PDZRN4: variants seen among roughly 807,000 people sequenced by gnomAD.
PDZRN4 encodes the protein PDZ domain-containing RING finger protein 4.
In PDZRN4, 70 loss-of-function variants were observed where a neutral mutation model predicts 99.0. The observed-to-expected ratio is 0.71, with a 90% CI of 0.58 to 0.86. The LOEUF is 0.86. Among genes scored for constraint, PDZRN4 ranks in the 40% least tolerant of loss-of-function variants. The pLI, the probability that PDZRN4 is intolerant of heterozygous loss-of-function variation, is 0.00. For synonymous variants in PDZRN4, 551 were observed against 501.6 expected, an observed-to-expected ratio of 1.10 and a Z score of -1.32; for missense variants, 1,474 against 1,331.2, an observed-to-expected ratio of 1.11 and a Z score of -1.67.
chr12:41,354,268 G>T (rs1326386168), intron 3 of PDZRN4, among the ~76,000 whole-genome samples: 3 of 151,956 alleles, frequency 2.0e-5, no homozygotes, highest in East Asian at 3.9e-4. Flanking sequence ...GTAGAGTATT[G>T]GTCCTCTCCA....
At chr12:41,369,783 A>G (rs996677454) in intron 3 of PDZRN4, among the ~76,000 whole-genome samples, 1 of 151,968 alleles carries the variant, frequency 6.6e-6, no homozygotes, top group Non-Finnish European at 1.5e-5. Flanking sequence ...AAAAGGAATT[A>G]TTGTCTGAAC....
chr12:41,371,649 T>C (rs1268158740), intron 3 of PDZRN4, among the ~76,000 whole-genome samples: 1 of 152,126 alleles, frequency 6.6e-6, no homozygotes, highest in African/African-American at 2.4e-5. Flanking sequence ...CTTTTTTGGT[T>C]TTCGCTTTAT....
intron 9 of PDZRN4, among the ~76,000 whole-genome samples, chr12:41,571,382 A>T (rs1327559496): frequency 0.04 from 4,001 of 100,350 alleles, 122 homozygotes; most frequent in East Asian, 0.22. Context: ...TCTCTCACAC[A>T]CACACACACA....
intron 3 of PDZRN4, among the ~76,000 whole-genome samples, chr12:41,306,312 G>A (rs1951569219): frequency 2.0e-5 from 3 of 152,154 alleles, no homozygotes; most frequent in African/African-American, 7.2e-5. Context: ...GAGACTGTTG[G>A]GTCTGTTGAA....
intron 3 of PDZRN4, among the ~76,000 whole-genome samples, chr12:41,236,935 A>G (rs1566383075): frequency 6.6e-6 from 1 of 152,138 alleles, no homozygotes; most frequent in Non-Finnish European, 1.5e-5. Flanking sequence ...GGGGCTCCAG[A>G]GAAGATAGAA....
intron 1 of PDZRN4, among the ~76,000 whole-genome samples, chr12:41,191,105 A>G (rs1490892042): frequency 2.0e-5 from 3 of 152,208 alleles, no homozygotes; most frequent in Non-Finnish European, 4.4e-5. Flanking sequence ...AATGGAGGGA[A>G]AAATAAAGAT....
chr12:41,530,398 A>T (rs2120737006), intron 5 of PDZRN4, among the ~76,000 whole-genome samples: 1 of 152,198 alleles, frequency 6.6e-6, no homozygotes, highest in East Asian at 1.9e-4. Context: ...TGAAACCTGT[A>T]TTTTTTTCCG....
intron 3 of PDZRN4, chr12:41,437,648 C>A (rs1952641924): frequency 2.6e-6 from 2 of 758,586 alleles, no homozygotes; most frequent in East Asian, 7.4e-5. Flanking sequence ...TATTCATGAG[C>A]TGGAATCTGT....
intron 3 of PDZRN4, among the ~76,000 whole-genome samples, chr12:41,499,675 A>G (rs779430887): frequency 3.6e-4 from 54 of 152,062 alleles, no homozygotes; most frequent in Non-Finnish European, 8.8e-5. Flanking sequence ...AAAATTATTC[A>G]TTGGTTCAGG....
At chr12:41,556,496 A>G (rs1939166105) in intron 7 of PDZRN4, among the ~76,000 whole-genome samples, 1 of 152,240 alleles carries the variant, frequency 6.6e-6, no homozygotes, top group African/African-American at 2.4e-5. Context: ...CACAATGGTA[A>G]GTCTTTATGT....
At chr12:41,368,533 A>C (rs1473127063) in intron 3 of PDZRN4, among the ~76,000 whole-genome samples, 1 of 152,090 alleles carries the variant, frequency 6.6e-6, no homozygotes, top group African/African-American at 2.4e-5. Flanking sequence ...CACTTCAAAC[A>C]GAAGCTGTCA....
intron 3 of PDZRN4, among the ~76,000 whole-genome samples, chr12:41,249,973 G>C (rs1306151852): frequency 1.3e-5 from 2 of 152,174 alleles, no homozygotes; most frequent in Admixed American, 6.5e-5. Flanking sequence ...TCTCCAGGAA[G>C]CATAGTCGTG....
chr12:41,294,233 G>T (rs1469680287), intron 3 of PDZRN4, among the ~76,000 whole-genome samples: 1 of 152,150 alleles, frequency 6.6e-6, no homozygotes, highest in East Asian at 1.9e-4. Flanking sequence ...AGACCTGGGT[G>T]CAAGTCCTGC....
intron 7 of PDZRN4, among the ~76,000 whole-genome samples, chr12:41,557,682 C>CT (rs34041922): frequency 0.027 from 3,974 of 146,434 alleles, 67 homozygotes; most frequent in South Asian, 0.045. Flanking sequence ...TGCAGAGCTC[C>CT]TTTTTTTTTT....
At chr12:41,472,984 T>C (rs760196637) in intron 3 of PDZRN4, among the ~76,000 whole-genome samples, 9 of 152,256 alleles carry the variant, frequency 5.9e-5, no homozygotes, top group South Asian at 2.1e-4. Context: ...CATGCCATTA[T>C]TGAGCAGCCA....
intron 3 of PDZRN4, among the ~76,000 whole-genome samples, chr12:41,390,081 G>A (rs1952199097): frequency 6.6e-6 from 1 of 152,088 alleles, no homozygotes; most frequent in Non-Finnish European, 1.5e-5. Flanking sequence ...TCTTGGGTAG[G>A]TGCCTGAGAT....
chr12:41,382,962 AT>A (rs1290766703), intron 3 of PDZRN4, among the ~76,000 whole-genome samples: 2 of 152,154 alleles, frequency 1.3e-5, no homozygotes, highest in Non-Finnish European at 2.9e-5. Context: ...ACCTTTTCAT[AT>A]GTTTTTTTCT....
At chr12:41,464,805 A>G (rs1310361005) in intron 3 of PDZRN4, among the ~76,000 whole-genome samples, 1 of 148,588 alleles carries the variant, frequency 6.7e-6, no homozygotes, top group Non-Finnish European at 1.5e-5. Flanking sequence ...AATAAATGTT[A>G]TAGTGCCTGT....
intron 3 of PDZRN4, among the ~76,000 whole-genome samples, chr12:41,218,997 T>TCTAGGAATATTATCTTA: frequency 6.6e-6 from 1 of 152,058 alleles, no homozygotes; most frequent in South Asian, 2.1e-4. Context: ...TATTCCTAGA[T>TCTAGGAATATTATCTTA]CTAGGAATAT....
Sources: allele counts gnomAD v4.1 joint callset (sites outside exome capture counted in the v4.1 genomes callset), GRCh38; gene constraint gnomAD v4.1.1; transcripts MANE v1.5; gene names NCBI Gene and HGNC (gene_info 2026-07-23, HGNC 2026-07-21).